Variants in MYT1 observed in about 807,000 individuals in gnomAD.
MYT1 encodes the protein myelin transcription factor 1.
MYT1 carries 23 observed loss-of-function variants against 123.0 expected under a neutral mutation model. The observed-to-expected ratio is 0.19, with a 90% CI of 0.13 to 0.26. The LOEUF (loss-of-function observed/expected upper bound fraction) is 0.26. MYT1 is among the 10% of genes least tolerant of loss of function. The probability of loss-of-function intolerance (pLI) is 1.00; values close to 1 mark genes in which losing one functional copy is unlikely to be tolerated. For missense variants in MYT1, 1,125 were observed against 1,472.5 expected (o/e 0.76, Z 3.86); for synonymous variants, 518 against 575.3 (o/e 0.90, Z 1.43).
intron 16 of MYT1, among the ~76,000 whole-genome samples, chr20:64,226,311 A>G (rs997085241): frequency 6.6e-6 from 1 of 152,260 alleles, no homozygotes; most frequent in Admixed American, 6.5e-5. Flanking sequence ...CTGTGCCGCC[A>G]CAGCCCTTTG....
rs960250451 is a variant in MYT1, at chr20:64,190,991, C to CA, written c.-1+839dup. On this transcript the variant is annotated intron_variant, in intron 2 of 22. Transcript: ENST00000328439. The surrounding 1 kb of genome is among the most constrained non-coding windows in gnomAD (Gnocchi z 4.1). The stretch of plus-strand genomic sequence containing the variant: ...CTCAGAAAACAAGCAAGCAAGCAAA[C>CA]AAAAAAAACCCACCAAAATGAAAAT... Among the ~76,000 whole-genome samples the CA allele has an allele frequency of 6.6e-5, 10 of 151,948 alleles. No homozygotes were observed. In the South Asian group the frequency reaches 1.7e-3, roughly 25 times the overall value.
chr20:64,201,932 C>CGTGTCGGGAACCTCT (rs1568708061), intron 4 of MYT1, among the ~76,000 whole-genome samples: 160 of 62,540 alleles, frequency 2.6e-3, no homozygotes, highest in African/African-American at 4.1e-3. Context: ...CGGGAACCCC[C>CGTGTCGGGAACCTCT]GCGTGTCGGG....
At chr20:64,165,490 G>A (rs779236328) in intron 1 of MYT1, among the ~76,000 whole-genome samples, 2 of 152,146 alleles carry the variant, frequency 1.3e-5, no homozygotes, top group Non-Finnish European at 2.9e-5. Context: ...TTCTGGGGCC[G>A]TGGACTTTGG....
At chr20:64,206,873 G>A (rs1983499887) in intron 6 of MYT1, among the ~76,000 whole-genome samples, 1 of 152,168 alleles carries the variant, frequency 6.6e-6, no homozygotes, top group Admixed American at 6.5e-5. Context: ...AACCCTACGG[G>A]GCCTGCATGT....
intron 1 of MYT1, among the ~76,000 whole-genome samples, chr20:64,175,930 G>C (rs1259238200): frequency 5.2e-5 from 2 of 38,316 alleles, no homozygotes; most frequent in African/African-American, 1.5e-4. Context: ...GGCTTCTCCT[G>C]CAGCATCTTT....
rs145726952 is a variant in MYT1 at position 64,173,790 on chromosome 20, C to T, written c.-99+9051C>T. On this transcript the variant is annotated intron_variant, in intron 1 of 22. Coordinates refer to ENST00000328439, the MANE Select transcript of MYT1 (RefSeq NM_004535.3). ...CATTTCCCCTCCCTGGCTTCTCCTGCAGCATCTTTCCCTGTAGTTGTGTCC... is the reference window on the plus strand; with the variant it reads ...CATTTCCCCTCCCTGGCTTCTCCTGTAGCATCTTTCCCTGTAGTTGTGTCC... Among the ~76,000 whole-genome samples, 33 of 7,208 alleles carry T rather than the reference C, an allele frequency of 4.6e-3. 1 individual carries two copies. The highest frequency in any genetic ancestry group is 0.024 in the South Asian group (2 of 82). The allele number at this position is 7,208 out of a possible 152,430, so 4.7% of individuals were successfully genotyped here.
At chr20:64,195,132 G>A (rs1347790663) in intron 2 of MYT1, among the ~76,000 whole-genome samples, 1 of 151,880 alleles carries the variant, frequency 6.6e-6, no homozygotes, top group Admixed American at 6.6e-5. Flanking sequence ...GGGATTACAG[G>A]CGTGAGCCAC....
rs1177666344 is a variant in MYT1, at chr20:64,186,216, A to G, written c.-98-3847A>G. On this transcript the variant is annotated intron_variant, in intron 1 of 22. Transcript: ENST00000328439. This position sits in a 1 kb window ranked among gnomAD's most constrained non-coding sequence, Gnocchi z 4.3. Reference sequence around the variant, plus strand: ...GGGGACAGATGTGGGGGTTACCTTGAGCAGGCAGGACTCCAGGTGCAAAGA... The same window carrying G: ...GGGGACAGATGTGGGGGTTACCTTGGGCAGGCAGGACTCCAGGTGCAAAGA... 6.6e-6 allele frequency among the ~76,000 whole-genome samples: 1 copy of G among 152,072 alleles called. No homozygotes were observed. Among genetic ancestry groups the G allele is most frequent in the Non-Finnish European group, 1.5e-5 (1 of 68,000 alleles).
Position 64,223,091 on chromosome 20 carries a change from A to C in MYT1, c.2397-20A>C. ...GGTACACACCACTCTCCGGTCTGACACTCTTTTTCCTTTGTCCAGCTGTCC... is the reference window on the plus strand; with the variant it reads ...GGTACACACCACTCTCCGGTCTGACCCTCTTTTTCCTTTGTCCAGCTGTCC... On this transcript the variant is annotated intron_variant, in intron 14 of 22. Coordinates refer to ENST00000328439, the MANE Select transcript of MYT1 (RefSeq NM_004535.3). The C allele has an allele frequency of 6.2e-7, 1 of 1,613,678 alleles. No homozygotes were observed. The highest frequency in any genetic ancestry group is 1.3e-5 in the African/African-American group (1 of 74,886).
chr20:64,198,052 G>A (rs1054447940), intron 2 of MYT1, among the ~76,000 whole-genome samples: 30 of 152,110 alleles, frequency 2.0e-4, no homozygotes, highest in African/African-American at 6.5e-4. Flanking sequence ...TTGGGAGGCC[G>A]AGACGGGCGG....
Position 64,232,501 on chromosome 20 carries a change from C to A in MYT1, c.2897+116C>A, listed in dbSNP as rs1490342243. 2.8e-6 allele frequency: 3 copies of A among 1,067,018 alleles called. No homozygotes were observed. Among genetic ancestry groups the A allele is most frequent in the Non-Finnish European group, 4.1e-6 (3 of 726,790 alleles). The allele number at this position is 1,067,018 out of a possible 1,614,324, so 66.1% of individuals were successfully genotyped here. A position where few individuals can be genotyped will look rare whatever the true frequency, so the allele number is the denominator to read the frequency against. On this transcript the variant is annotated intron_variant, in intron 19 of 22. Coordinates refer to ENST00000328439, the MANE Select transcript of MYT1 (RefSeq NM_004535.3). This position sits in a 1 kb window ranked among gnomAD's most constrained non-coding sequence, Gnocchi z 6.9. ...CCAGGGCTCCGTGTGACCAGAGTTG[C>A]TCAAGGGAAAGGCCAGGCCACATGG... is the stretch of plus-strand genomic sequence containing the variant.
chr20:64,182,532 G>A (rs1324051986), intron 1 of MYT1, among the ~76,000 whole-genome samples: 1 of 152,210 alleles, frequency 6.6e-6, no homozygotes, highest in East Asian at 1.9e-4. Context: ...GCCTTCCTTT[G>A]GCCCTGTTGA....
rs1360664938 is a variant in MYT1, at chr20:64,193,378, C to T, written c.-1+3218C>T. Among the ~76,000 whole-genome samples the T allele has an allele frequency of 1.3e-5, 2 of 152,152 alleles. No homozygotes were observed. The highest frequency in any genetic ancestry group is 2.9e-5 in the Non-Finnish European group (2 of 68,024). ...GAGGGCTGTGGATGCAGCAGAAGAT[C>T]CTCCTGGGATACTCGGGAGGGGAGC... On this transcript the variant is annotated intron_variant, in intron 2 of 22. Transcript: ENST00000328439. The surrounding 1 kb of genome is among the most constrained non-coding windows in gnomAD (Gnocchi z 4.0).
chr20:64,173,494 AGTTGTGTCC>A (rs1982353888), intron 1 of MYT1, among the ~76,000 whole-genome samples: 1 of 138,702 alleles, frequency 7.2e-6, no homozygotes, highest in Non-Finnish European at 1.6e-5. Flanking sequence ...CCTTCCCTTT[AGTTGTGTCC>A]ATTTCCCCTC....
At position 64,217,244 on chromosome 20, in the gene MYT1, G is replaced by T. The variant is rs1344539256; in HGVS notation, c.1809G>T (p.Lys603Asn). ...TTGGCAAACGCATGCTTGCCCCAAA[G>T]ATTCAGACCAGCGAAACCTCACCTA... ...QVFGKRMLAPKIQTSETSPKA... is the reference protein window; with the variant it reads ...QVFGKRMLAPNIQTSETSPKA... Residue 603 changes from lysine (K) to asparagine (N), a missense_variant, in exon 11 of 23, where the codon AAG (lysine) becomes AAT (asparagine). Lys to Asn is a moderately conservative substitution (Grantham distance 94). Around this residue, in one of 4 missense-constraint regions of MYT1, gnomAD observed 429 missense variants for 604.1 expected, o/e 0.71. Transcript: ENST00000328439. The T allele has an allele frequency of 6.2e-7, 1 of 1,614,292 alleles. No homozygotes were observed. Among genetic ancestry groups the T allele is most frequent in the East Asian group, 2.2e-5 (1 of 44,892 alleles).
At position 64,196,203 on chromosome 20, in the gene MYT1, A is replaced by G. The variant is rs1983114469; in HGVS notation, c.1-2659A>G. Among the ~76,000 whole-genome samples, 1 of 151,952 alleles carries G rather than the reference A, an allele frequency of 6.6e-6. No homozygotes were observed. The highest frequency in any genetic ancestry group is 2.1e-4 in the South Asian group (1 of 4,822). The stretch of plus-strand genomic sequence containing the variant: ...ATCAATGAAAAATTGAGAAGTGTTT[A>G]ATTTTCTTTGCATCATTGAGCTGCC... On this transcript the variant is annotated intron_variant, in intron 2 of 22. Coordinates refer to ENST00000328439, the MANE Select transcript of MYT1 (RefSeq NM_004535.3). The surrounding 1 kb of genome is among the most constrained non-coding windows in gnomAD (Gnocchi z 4.3).
At chr20:64,172,702 C>T (rs903972894) in intron 1 of MYT1, among the ~76,000 whole-genome samples, 40 of 151,468 alleles carry the variant, frequency 2.6e-4, no homozygotes, top group African/African-American at 7.0e-4. Flanking sequence ...ATGGGGAAGA[C>T]GCCCCCAAAC....
chr20:64,240,245 A>T, intron 22 of MYT1, 75 bp from the exon 23 acceptor site: 3 of 1,568,384 alleles, frequency 1.9e-6, no homozygotes, highest in Non-Finnish European at 2.6e-6. Context: ...CATAGGTTTG[A>T]TGCTCCCACA....
intron 1 of MYT1, among the ~76,000 whole-genome samples, chr20:64,169,065 GAAGA>G (rs1982166377): frequency 6.6e-6 from 1 of 152,212 alleles, no homozygotes; most frequent in Admixed American, 6.5e-5. Context: ...AGGAGCGTGA[GAAGA>G]GGGGGCCCTG....
Sources: gnomAD v4.1 joint callset for allele counts (sites outside exome capture counted in the v4.1 genomes callset) on GRCh38, gnomAD v4.1.1 for gene constraint, gnomAD v4.1.1 regional missense constraint, Gnocchi (gnomAD v3.1) non-coding constraint, MANE v1.5 for transcripts, NCBI Gene and HGNC (gene_info 2026-07-23, HGNC 2026-07-21) for gene names.